ERCC6: variants seen among roughly 807,000 people sequenced by gnomAD.
The protein encoded by ERCC6 is ERCC excision repair 6, chromatin remodeling factor.
A neutral mutation model predicts 158.7 loss-of-function variants in ERCC6; 116 were observed. The ratio of observed to expected loss-of-function variants is 0.73; its 90% CI spans 0.63 to 0.85. The LOEUF (loss-of-function observed/expected upper bound fraction) is 0.85, where lower values mean the gene tolerates loss of function less well. ERCC6 is among the 40% of genes least tolerant of loss of function. ERCC6 has a pLI of 0.00. For missense variants in ERCC6, 1,698 were observed against 1,799.4 expected (o/e 0.94, Z 1.02); for synonymous variants, 678 against 659.3 (o/e 1.03, Z -0.43).
chr10:49,537,342 CAA>C (rs368235215), intron 1 of ERCC6, among the ~76,000 whole-genome samples: 8 of 86,720 alleles, frequency 9.2e-5, no homozygotes, highest in Non-Finnish European at 5.3e-5. Flanking sequence ...GACTCCGTCT[CAA>C]AAAAAAAAAA....
At chr10:49,520,600 A>C (rs925160662) in intron 5 of ERCC6, among the ~76,000 whole-genome samples, 17 of 152,166 alleles carry the variant, frequency 1.1e-4, no homozygotes, top group Non-Finnish European at 1.9e-4. Flanking sequence ...TTATTATGTC[A>C]AGGCTGGCAA....
At chr10:49,485,143 T>C (rs1368023042) in intron 8 of ERCC6, among the ~76,000 whole-genome samples, 4 of 152,210 alleles carry the variant, frequency 2.6e-5, no homozygotes, top group Admixed American at 6.5e-5. Flanking sequence ...GCAATGCTCC[T>C]GCACCACATT....
chr10:49,449,950 A>G (rs2132516396), downstream of ERCC6, among the ~76,000 whole-genome samples: 1 of 151,992 alleles, frequency 6.6e-6, no homozygotes, highest in South Asian at 2.1e-4. Context: ...ATGGATCACT[A>G]CAACCTTGAC....
Position 49,483,515 on chromosome 10 carries a change from T to G in ERCC6, c.1823A>C (p.Glu608Ala). Residue 608 changes from glutamate to alanine, a missense_variant and splice_region_variant, in exon 9 of 21, where the codon GAG becomes GCG. Coordinates refer to ENST00000355832, the MANE Select transcript of ERCC6 (RefSeq NM_000124.4). ...HETGSYTHKK[E>A]KLIRDVAHCH... ...ATGAGCAACATCTCGAATTAGTTTC[T>G]CCTGAGACCACAATAAAATGGTAAA... 1 of 1,613,958 alleles carries G rather than the reference T, an allele frequency of 6.2e-7. No individual in the cohort carries two copies. The highest frequency in any genetic ancestry group is 8.5e-7 in the Non-Finnish European group (1 of 1,179,936).
chr10:49,464,284 T>C (rs1850633064), intron 18 of ERCC6, among the ~76,000 whole-genome samples: 1 of 152,134 alleles, frequency 6.6e-6, no homozygotes, highest in African/African-American at 2.4e-5. Flanking sequence ...CTGTGGAACT[T>C]TGAACTTGAG....
chr10:49,476,541 C>T (rs1314757154), intron 11 of ERCC6, among the ~76,000 whole-genome samples: 2 of 152,100 alleles, frequency 1.3e-5, no homozygotes, highest in Non-Finnish European at 2.9e-5. Flanking sequence ...CCACAGTCCC[C>T]AAAGACTGGC....
At chr10:49,500,378 T>A (rs1463810317) in intron 7 of ERCC6, among the ~76,000 whole-genome samples, 160 bp downstream of exon 7, 3 of 152,122 alleles carry the variant, frequency 2.0e-5, no homozygotes, top group Non-Finnish European at 4.4e-5. Flanking sequence ...AGCTCCATTG[T>A]CTCGTAAAAT....
intron 18 of ERCC6, among the ~76,000 whole-genome samples, chr10:49,463,569 C>T (rs554899437): frequency 6.6e-6 from 1 of 152,218 alleles, no homozygotes; most frequent in East Asian, 1.9e-4. Context: ...TATACATGTG[C>T]CTGCTTATTT....
intron 5 of ERCC6, among the ~76,000 whole-genome samples, chr10:49,523,480 C>T (rs1397856745): frequency 6.6e-6 from 1 of 152,188 alleles, no homozygotes; most frequent in Non-Finnish European, 1.5e-5. Flanking sequence ...GCTGTGCATA[C>T]AAAGTACACT....
At chr10:49,531,458 T>C (rs890423421) in intron 2 of ERCC6, among the ~76,000 whole-genome samples, 3 of 152,234 alleles carry the variant, frequency 2.0e-5, no homozygotes, top group Non-Finnish European at 4.4e-5. Context: ...TAATTTGCTG[T>C]TTGTATCCTC....
At chr10:49,463,605 TG>T (rs1850621862) in intron 18 of ERCC6, among the ~76,000 whole-genome samples, 1 of 152,244 alleles carries the variant, frequency 6.6e-6, no homozygotes, top group African/African-American at 2.4e-5. Flanking sequence ...ATAGTTCAGC[TG>T]TGTCCCCACC....
chr10:49,511,416 CTTCTTT>C (rs1836815506), intron 5 of ERCC6, among the ~76,000 whole-genome samples: 1 of 129,628 alleles, frequency 7.7e-6, no homozygotes, highest in Non-Finnish European at 1.6e-5. Context: ...TGTTGTTCAT[CTTCTTT>C]TTTACTTTTT....
At chr10:49,515,347 A>G in intron 5 of ERCC6, 1 of 1,610,142 alleles carries the variant, frequency 6.2e-7, no homozygotes, top group Non-Finnish European at 8.5e-7. Flanking sequence ...TCAGTGTGAT[A>G]TTCAACGGAA....
the ERCC6 span, among the ~76,000 whole-genome samples, chr10:49,437,528 G>A: frequency 6.6e-6 from 1 of 152,206 alleles, no homozygotes. Context: ...GAAAGGTGGA[G>A]GAGAGGAGAG....
intron 8 of ERCC6, among the ~76,000 whole-genome samples, chr10:49,488,762 G>A (rs926503449): frequency 6.6e-6 from 1 of 151,312 alleles, no homozygotes; most frequent in Non-Finnish European, 1.5e-5. Context: ...GAGTTTCATC[G>A]GATGGCCAAG....
intron 5 of ERCC6, among the ~76,000 whole-genome samples, chr10:49,508,644 T>TA (rs1851485085): frequency 6.6e-6 from 1 of 152,150 alleles, no homozygotes; most frequent in South Asian, 2.1e-4. Flanking sequence ...ATACACATAT[T>TA]AAAGACAGAA....
chr10:49,517,783 A>G (rs1336509168), intron 5 of ERCC6, among the ~76,000 whole-genome samples: 2 of 152,086 alleles, frequency 1.3e-5, no homozygotes, highest in Admixed American at 6.6e-5. Flanking sequence ...AGCTCAAGCA[A>G]TCCTCCTGCC....
intron 18 of ERCC6, among the ~76,000 whole-genome samples, chr10:49,463,392 G>A (rs1249345577): frequency 6.6e-6 from 1 of 152,080 alleles, no homozygotes; most frequent in Non-Finnish European, 1.5e-5. Context: ...CAGGTTTTGG[G>A]TCAACATAGC....
chr10:49,476,186 A>T, intron 12 of ERCC6, 29 bp downstream of exon 12: 3 of 1,488,278 alleles, frequency 2.0e-6, no homozygotes, highest in Non-Finnish European at 2.8e-6. Flanking sequence ...TCCACAATTC[A>T]TTTCTCCAGC....
Sources: gnomAD v4.1 joint callset for allele counts (sites outside exome capture counted in the v4.1 genomes callset) on GRCh38, gnomAD v4.1.1 for gene constraint, MANE v1.5 for transcripts, NCBI Gene and HGNC (gene_info 2026-07-23, HGNC 2026-07-21) for gene names.